The following CRACD variants were observed in gnomAD, a reference collection of about 807,000 sequenced individuals.
CRACD encodes capping protein inhibiting regulator of actin dynamics, also known as capping protein-inhibiting regulator of actin dynamics.
CRACD carries 56 observed loss-of-function variants against 106.8 expected under a neutral mutation model. The observed-to-expected ratio is 0.52, with a 90% CI of 0.42 to 0.66. CRACD has a LOEUF of 0.66. Ranked by LOEUF, CRACD falls within the 30% of genes least tolerant of loss-of-function variation. The pLI is 0.00. For synonymous variants in CRACD, 754 were observed against 670.8 expected (o/e 1.12, Z -1.92); for missense variants, 1,730 against 1,623.2 (o/e 1.07, Z -1.13).
intron 2 of CRACD, among the ~76,000 whole-genome samples, chr4:56,211,610 AG>A (rs1375179895): frequency 2.6e-5 from 4 of 152,218 alleles, no homozygotes; most frequent in African/African-American, 7.2e-5. Flanking sequence ...GGGGATGTGC[AG>A]GGGTCAGCCA....
At chr4:56,253,152 C>T (rs1014382937) in intron 2 of CRACD, among the ~76,000 whole-genome samples, 4 of 152,154 alleles carry the variant, frequency 2.6e-5, no homozygotes, top group Admixed American at 2.6e-4. Context: ...AACGACTTGG[C>T]TCTCTTTTAG....
chr4:56,283,070 T>C (rs1743120991), intron 3 of CRACD, among the ~76,000 whole-genome samples: 1 of 152,118 alleles, frequency 6.6e-6, no homozygotes, highest in African/African-American at 2.4e-5. Context: ...GAGCTCCAGG[T>C]CACAGACCCA....
At chr4:56,129,119 G>A (rs760093985) in intron 1 of CRACD, among the ~76,000 whole-genome samples, 4 of 151,020 alleles carry the variant, frequency 2.6e-5, no homozygotes, top group African/African-American at 4.8e-5. Context: ...TCTGTCACCC[G>A]GGCTGGAGTG....
At chr4:56,207,544 C>A (rs1738184273) in intron 2 of CRACD, among the ~76,000 whole-genome samples, 2 of 151,852 alleles carry the variant, frequency 1.3e-5, no homozygotes, top group South Asian at 4.2e-4. Context: ...CTTTATCTCC[C>A]ATCTATCAAG....
intron 1 of CRACD, among the ~76,000 whole-genome samples, chr4:56,146,361 G>A (rs977248845): frequency 5.3e-5 from 8 of 151,150 alleles, no homozygotes; most frequent in African/African-American, 9.7e-5. Flanking sequence ...TTTTTGCCCG[G>A]TATTTTGTTT....
At chr4:56,324,658 C>T (rs1033352424) in intron 10 of CRACD, among the ~76,000 whole-genome samples, 2 of 152,196 alleles carry the variant, frequency 1.3e-5, no homozygotes, top group African/African-American at 4.8e-5. Context: ...GCACCCTCTG[C>T]CTATATTCTG....
intron 2 of CRACD, among the ~76,000 whole-genome samples, chr4:56,211,691 C>T (rs1024302623): frequency 6.6e-6 from 1 of 152,070 alleles, no homozygotes; most frequent in African/African-American, 2.4e-5. Flanking sequence ...AATTGGGGAG[C>T]GCGTGCTGAT....
At chr4:56,130,071 G>A (rs1030753127) in intron 1 of CRACD, among the ~76,000 whole-genome samples, 5 of 152,092 alleles carry the variant, frequency 3.3e-5, no homozygotes, top group African/African-American at 1.2e-4. Context: ...CTTAGTTTGC[G>A]ACCAGCTTGG....
chr4:56,329,262 A>T lies in CRACD; in HGVS notation c.*1458A>T, dbSNP rs997562088. Among the ~76,000 whole-genome samples, 2 of 152,138 alleles carry T rather than the reference A, an allele frequency of 1.3e-5. No individual in the cohort carries two copies. Among genetic ancestry groups the T allele is most frequent in the African/African-American group, 4.8e-5 (2 of 41,414 alleles). On this transcript the variant is annotated 3_prime_UTR_variant, in exon 11 of 11. Coordinates refer to ENST00000682029, the MANE Select transcript of CRACD (RefSeq NM_001393381.1). ...CATATTCCCCTTTTCTTAGATTCTT[A>T]CTCCGAAATATAGGTACACATCCTT...
At chr4:56,310,796 C>A (rs1471735510) in intron 6 of CRACD, 62 bp downstream of exon 6, 3 of 973,516 alleles carry the variant, frequency 3.1e-6, no homozygotes, top group East Asian at 2.6e-5. Context: ...TCTTCCCCCC[C>A]CCTTTTTTTT....
chr4:56,252,889 A>G (rs951374628), intron 2 of CRACD, among the ~76,000 whole-genome samples: 5 of 152,138 alleles, frequency 3.3e-5, no homozygotes, highest in East Asian at 1.9e-4. Flanking sequence ...CTTAAAAGGA[A>G]CCCTGAGCGG....
intron 1 of CRACD, among the ~76,000 whole-genome samples, chr4:56,156,910 T>C (rs958940664): frequency 6.6e-6 from 1 of 152,240 alleles, no homozygotes; most frequent in African/African-American, 2.4e-5. Context: ...CTAGAATGTA[T>C]GTTCTGTATA....
chr4:56,321,208 T>C, intron 8 of CRACD: 1 of 262,130 alleles, frequency 3.8e-6, no homozygotes, highest in Admixed American at 4.4e-5. Flanking sequence ...CTTCTCCCAT[T>C]TTTGAGAAGT....
intron 1 of CRACD, among the ~76,000 whole-genome samples, chr4:56,094,750 G>A (rs1050749346): frequency 6.6e-6 from 1 of 152,046 alleles, no homozygotes; most frequent in Non-Finnish European, 1.5e-5. Context: ...ATTTTTATAT[G>A]TTAACAGAAT....
At chr4:56,198,289 T>A (rs2109468863) in intron 2 of CRACD, among the ~76,000 whole-genome samples, 1 of 152,296 alleles carries the variant, frequency 6.6e-6, no homozygotes, top group South Asian at 2.1e-4. Flanking sequence ...GACCATGAAC[T>A]TCAAAAAGAA....
intron 2 of CRACD, among the ~76,000 whole-genome samples, chr4:56,215,166 C>T (rs1217895690): frequency 6.6e-6 from 1 of 152,124 alleles, no homozygotes; most frequent in African/African-American, 2.4e-5. Flanking sequence ...CATACCACCA[C>T]ACTCAGCTAA....
At chr4:56,223,195 C>G (rs796890107) in intron 2 of CRACD, among the ~76,000 whole-genome samples, 2 of 149,218 alleles carry the variant, frequency 1.3e-5, no homozygotes, top group South Asian at 4.3e-4. Flanking sequence ...ACAGGTTCAT[C>G]TCTTTTTCGT....
intron 1 of CRACD, among the ~76,000 whole-genome samples, chr4:56,144,614 AT>A (rs891298840): frequency 4.1e-5 from 6 of 146,470 alleles, no homozygotes; most frequent in African/African-American, 9.9e-5. Flanking sequence ...GGTAAGGCAT[AT>A]TTTTCTTAAA....
intron 2 of CRACD, among the ~76,000 whole-genome samples, chr4:56,259,328 C>T (rs1741560519): frequency 6.6e-6 from 1 of 152,062 alleles, no homozygotes; most frequent in South Asian, 2.1e-4. Flanking sequence ...GTTGAGGGCA[C>T]ACTTCAGGTT....
Sources: gnomAD v4.1 joint callset for allele counts (sites outside exome capture counted in the v4.1 genomes callset) on GRCh38, gnomAD v4.1.1 for gene constraint, MANE v1.5 for transcripts, NCBI Gene and HGNC (gene_info 2026-07-23, HGNC 2026-07-21) for gene names.